The following TAPT1 variants were observed in gnomAD, a reference collection of about 807,000 sequenced individuals.
The protein encoded by TAPT1 is transmembrane anterior posterior transformation protein 1 homolog.
TAPT1 carries 28 observed loss-of-function variants against 65.6 expected under a neutral mutation model. That is an observed-to-expected ratio of 0.43 (90% confidence interval 0.32 to 0.59). The LOEUF (loss-of-function observed/expected upper bound fraction) is 0.59, where lower values mean the gene tolerates loss of function less well. Among genes scored for constraint, TAPT1 ranks in the 20% least tolerant of loss-of-function variants. TAPT1 has a pLI of 0.09. For missense variants in TAPT1, 563 were observed against 679.9 expected (o/e 0.83, Z 1.91); for synonymous variants, 278 against 245.2 (o/e 1.13, Z -1.25).
chr4:16,209,706 A>G (rs1282055081), intron 2 of TAPT1, among the ~76,000 whole-genome samples: 1 of 152,216 alleles, frequency 6.6e-6, no homozygotes, highest in African/African-American at 2.4e-5. Context: ...CTGGAAGTCA[A>G]TGAAGAACTG....
chr4:16,201,693 T>C (rs1750041326), intron 3 of TAPT1, among the ~76,000 whole-genome samples: 1 of 152,176 alleles, frequency 6.6e-6, no homozygotes. Context: ...TGAGTTTTGG[T>C]AGAGAAGAAA....
chr4:16,226,910 C>T (rs1324372814), upstream of TAPT1: 10 of 326,460 alleles, frequency 3.1e-5, 1 homozygote, highest in South Asian at 1.8e-4. Context: ...AGGTGTCCGG[C>T]GGTCCGCTCA....
chr4:16,212,084 C>A (rs1750678952), intron 2 of TAPT1, among the ~76,000 whole-genome samples: 1 of 152,188 alleles, frequency 6.6e-6, no homozygotes, highest in South Asian at 2.1e-4. Flanking sequence ...GTTGCCACTG[C>A]TCATTAGTTT....
intron 2 of TAPT1, among the ~76,000 whole-genome samples, chr4:16,207,926 A>G (rs1750441196): frequency 6.6e-6 from 1 of 152,250 alleles, no homozygotes; most frequent in Admixed American, 6.5e-5. Flanking sequence ...ACAATGAAAT[A>G]ATGAATTGCC....
rs1223018281 is a variant in TAPT1 at position 16,188,224 on chromosome 4, A to G, written c.744T>C (p.Tyr248=). The change falls in exon 5 of 14, where the codon TAT becomes TAC. Residue 248 remains tyrosine, a synonymous_variant. Coordinates refer to ENST00000405303, the MANE Select transcript of TAPT1 (RefSeq NM_153365.3). ...VIPHFFMAVL[Y]VFLHAILIMV... is the part of the protein sequence containing the mutation. ...CCAGTAGGTCTATAAGGATACAGAC[A>G]TAGAGAACAGCCATGAAAAAGTGAG... The G allele has an allele frequency of 6.2e-7, 1 of 1,605,422 alleles. No homozygotes were observed. Among genetic ancestry groups the G allele is most frequent in the Admixed American group, 1.7e-5 (1 of 58,040 alleles).
chr4:16,191,617 G>T, intron 3 of TAPT1, 94 bp from the exon 4 acceptor site: 1 of 1,250,672 alleles, frequency 8.0e-7, no homozygotes, highest in Non-Finnish European at 1.1e-6. Flanking sequence ...GGCATACAAA[G>T]GTAAAAATAA....
chr4:16,212,382 A>G (rs13120908), intron 2 of TAPT1, among the ~76,000 whole-genome samples: 38,578 of 152,178 alleles, frequency 0.25, 5,805 homozygotes, highest in East Asian at 0.33. Context: ...TCACACTTCC[A>G]TCTCATGGCT....
Position 16,179,565 on chromosome 4 carries a change from A to G in TAPT1, c.997+12T>C. The G allele has an allele frequency of 6.7e-7, 1 of 1,487,804 alleles. No individual in the cohort carries two copies. Among genetic ancestry groups the G allele is most frequent in the Non-Finnish European group, 9.0e-7 (1 of 1,106,470 alleles). The allele number at this position is 1,487,804 out of a possible 1,614,324, so 92.2% of individuals were successfully genotyped here. ...AAAATTATAAGACACTGTTTTGTTA[A>G]GAGTGAGTTACCTGGATTCCAAGAA... On this transcript the variant is annotated intron_variant, in intron 8 of 13. Transcript: ENST00000405303.
Position 16,195,555 on chromosome 4 carries a change from ATTCT to A in TAPT1, c.450-4036_450-4033del, listed in dbSNP as rs752398886. On this transcript the variant is annotated intron_variant, in intron 3 of 13. Transcript: ENST00000405303. Reference sequence around the variant, plus strand: ...TTTCAACATAAGACATTTAAACAGAATTCTTTTAAAAATTTCTAGTAAAACCACC... The same window carrying A: ...TTTCAACATAAGACATTTAAACAGAATTTAAAAATTTCTAGTAAAACCACC... Among the ~76,000 whole-genome samples, 6 of 152,236 alleles carry A rather than the reference ATTCT, an allele frequency of 3.9e-5. No homozygotes were observed. In the East Asian group the frequency reaches 9.6e-4, roughly 24 times the overall value.
chr4:16,172,887 C>CG (rs1165233237), intron 11 of TAPT1, among the ~76,000 whole-genome samples: 1 of 151,846 alleles, frequency 6.6e-6, no homozygotes, highest in African/African-American at 2.4e-5. Context: ...GGCAGTGACG[C>CG]GATCTCGGCT....
At chr4:16,171,273 C>G (rs1747973664) in intron 11 of TAPT1, among the ~76,000 whole-genome samples, 1 of 152,088 alleles carries the variant, frequency 6.6e-6, no homozygotes, top group Non-Finnish European at 1.5e-5. Context: ...TTTAGAAAAA[C>G]TAAACACTAT....
Position 16,186,865 on chromosome 4 carries a change from A to G in TAPT1, c.762T>C (p.Ile254=), listed in dbSNP as rs1749050166. 1 of 1,608,556 alleles carries G rather than the reference A, an allele frequency of 6.2e-7. No individual in the cohort carries two copies. Among genetic ancestry groups the G allele is most frequent in the East Asian group, 2.2e-5 (1 of 44,720 alleles). The part of the protein sequence containing the change: ...MAVLYVFLHA[I]LIMVQATTLN... ...GAGTTGTTGCTTGAACCATTATAAG[A>G]ATTGCATGCAAAACTAATAGAAGGT... Residue 254 remains isoleucine, a synonymous_variant, in exon 6 of 14, where the codon ATT becomes ATC. Transcript: ENST00000405303.
chr4:16,185,371 T>A (rs2149686135), intron 7 of TAPT1, among the ~76,000 whole-genome samples: 1 of 132,348 alleles, frequency 7.6e-6, no homozygotes, highest in Non-Finnish European at 1.5e-5. Flanking sequence ...ATCATCGTAA[T>A]TTTTTTTTTT....
chr4:16,222,852 G>A (rs1196670919), intron 1 of TAPT1, among the ~76,000 whole-genome samples: 1 of 152,188 alleles, frequency 6.6e-6, no homozygotes, highest in Non-Finnish European at 1.5e-5. Flanking sequence ...CAGAGTCACT[G>A]TTAAAGAAGA....
At chr4:16,181,874 A>G (rs1425766199) in intron 7 of TAPT1, among the ~76,000 whole-genome samples, 8 of 152,210 alleles carry the variant, frequency 5.3e-5, no homozygotes, top group Admixed American at 5.2e-4. Context: ...GGCCCAAAAC[A>G]AATTTTAGAA....
At chr4:16,195,665 G>A (rs1484936449) in intron 3 of TAPT1, among the ~76,000 whole-genome samples, 1 of 151,800 alleles carries the variant, frequency 6.6e-6, no homozygotes, top group Non-Finnish European at 1.5e-5. Flanking sequence ...TGTATTTCTG[G>A]TAACTGTACA....
chr4:16,211,544 A>G (rs1330251494), intron 2 of TAPT1, among the ~76,000 whole-genome samples: 1 of 152,218 alleles, frequency 6.6e-6, no homozygotes, highest in African/African-American at 2.4e-5. Context: ...CATTTAGGCT[A>G]CAAAGCTTCT....
At chr4:16,194,083 C>T (rs1400720792) in intron 3 of TAPT1, among the ~76,000 whole-genome samples, 3 of 152,014 alleles carry the variant, frequency 2.0e-5, no homozygotes, top group Non-Finnish European at 2.9e-5. Context: ...CAAAGAACAA[C>T]GTGTTAGTAT....
intron 13 of TAPT1, among the ~76,000 whole-genome samples, chr4:16,165,541 G>A (rs1311246078): frequency 2.7e-5 from 4 of 147,796 alleles, no homozygotes; most frequent in African/African-American, 1.0e-4. Context: ...CTGCACTCCA[G>A]CCTGGGCGAC....
Sources: gnomAD v4.1 joint callset for allele counts (sites outside exome capture counted in the v4.1 genomes callset) on GRCh38, gnomAD v4.1.1 for gene constraint, MANE v1.5 for transcripts, NCBI Gene and HGNC (gene_info 2026-07-23, HGNC 2026-07-21) for gene names.